The following SENP2 variants were observed in gnomAD, a reference collection of about 807,000 sequenced individuals.
The protein encoded by SENP2 is SUMO specific peptidase 2.
Under a neutral mutation model 86.3 loss-of-function variants are expected in SENP2, and 16 were observed. The observed-to-expected ratio is 0.19, with a 90% CI of 0.13 to 0.28. The LOEUF is 0.28. Ranked by LOEUF, SENP2 falls within the 10% of genes least tolerant of loss-of-function variation. SENP2 has a pLI of 1.00. For missense variants in SENP2, 552 were observed against 703.0 expected (o/e 0.79, Z 2.43); for synonymous variants, 222 against 238.7 (o/e 0.93, Z 0.64).
chr3:185,599,170 TC>T, intron 4 of SENP2, 146 bp downstream of exon 4: 1 of 608,034 alleles, frequency 1.6e-6, no homozygotes, highest in Non-Finnish European at 2.9e-6. Flanking sequence ...AAATAGCTTT[TC>T]TTCAGAATTG....
intron 7 of SENP2, among the ~76,000 whole-genome samples, chr3:185,611,223 G>A (rs754914335): frequency 6.6e-5 from 10 of 152,206 alleles, no homozygotes; most frequent in Admixed American, 1.3e-4. Context: ...TTTCAGTGAG[G>A]CCATGATCAC....
intron 15 of SENP2, among the ~76,000 whole-genome samples, chr3:185,625,639 A>G (rs561014732): frequency 9.2e-5 from 14 of 152,234 alleles, no homozygotes; most frequent in African/African-American, 2.9e-4. Context: ...GCTTGTACCA[A>G]GTGTTTTTGC....
At chr3:185,611,598 A>T in intron 7 of SENP2, 53 bp from the exon 8 acceptor site, 1 of 1,134,914 alleles carries the variant, frequency 8.8e-7, no homozygotes, top group Non-Finnish European at 1.3e-6. Flanking sequence ...AATGCATATT[A>T]ATGGTAGACT....
At chr3:185,616,821 T>C (rs1293312816) in intron 11 of SENP2, among the ~76,000 whole-genome samples, 1 of 151,354 alleles carries the variant, frequency 6.6e-6, no homozygotes, top group Non-Finnish European at 1.5e-5. Context: ...AGTTTACTAT[T>C]ATGAAGGGAG....
rs753871255 is a variant in SENP2, at chr3:185,586,699, C to T, written c.101+185C>T. 1.3e-5 allele frequency among the ~76,000 whole-genome samples: 2 copies of T among 152,216 alleles called. No individual in the cohort carries two copies. The highest frequency in any genetic ancestry group is 2.9e-5 in the Non-Finnish European group (2 of 68,024). ...TGATGAAGGAGGAGCTGGTCGTCTT[C>T]GTAGCGGCCGGTGATGGCAGGGTCT... On this transcript the variant is annotated intron_variant, in intron 1 of 16. Transcript: ENST00000296257. This position sits in a 1 kb window ranked among gnomAD's most constrained non-coding sequence, Gnocchi z 4.3.
intron 10 of SENP2, 28 bp from the exon 11 acceptor site, chr3:185,614,533 GTCA>G (rs751052378): frequency 1.1e-5 from 18 of 1,570,400 alleles, no homozygotes; most frequent in Non-Finnish European, 1.6e-5. Context: ...TATCAAACAT[GTCA>G]GTAGAATTTA....
chr3:185,602,623 A>G (rs1017355223), intron 5 of SENP2, among the ~76,000 whole-genome samples: 2 of 151,958 alleles, frequency 1.3e-5, no homozygotes, highest in Non-Finnish European at 2.9e-5. Flanking sequence ...AAAACTAGTA[A>G]ATACAAGTTT....
rs1711537452 is a variant in SENP2 at position 185,614,669 on chromosome 3, G to A, written c.1039G>A (p.Glu347Lys). The A allele has an allele frequency of 3.1e-6, 5 of 1,614,226 alleles. 1 individual carries two copies. The Middle Eastern group carries it at 6.6e-4, about 213-fold the overall frequency. ...ACTCAGGAGGAAAGTGTCAATAATT[G>A]AGACAAAGGAAAAGAATTGCTCAGG... The part of the protein sequence containing the change: ...GLLRRKVSII[E>K]TKEKNCSGKE... The change falls in exon 11 of 17, where the codon GAG (glutamate) becomes AAG (lysine). Residue 347 changes from glutamate to lysine, a missense_variant. Physicochemically the swap from Glu to Lys is moderately conservative, Grantham distance 56 (BLOSUM62 1). Coordinates refer to ENST00000296257, the MANE Select transcript of SENP2 (RefSeq NM_021627.3).
intron 11 of SENP2, 58 bp downstream of exon 11, chr3:185,614,798 T>G: frequency 6.5e-7 from 1 of 1,538,906 alleles, no homozygotes; most frequent in Non-Finnish European, 8.9e-7. Flanking sequence ...CCTCAGTTAT[T>G]CTAACTTGAA....
chr3:185,586,491 C>T lies in SENP2; in HGVS notation c.78C>T (p.Leu26=), dbSNP rs767472935. The change falls in exon 1 of 17, where the codon CTC becomes CTT. Residue 26 remains leucine (L), a synonymous_variant. Coordinates refer to ENST00000296257, the MANE Select transcript of SENP2 (RefSeq NM_021627.3). This position sits in a 1 kb window ranked among gnomAD's most constrained non-coding sequence, Gnocchi z 4.3. ...GGTCGGTGCCCCCTGCCCGGGCCCT[C>T]CTGAAGAGGCGGCGCTCAGACAGGT... ...CDRSVPPARA[L]LKRRRSDSTL... is the part of the protein sequence containing the mutation. The T allele has an allele frequency of 5.0e-6, 8 of 1,613,514 alleles. No homozygotes were observed. The East Asian group carries it at 1.3e-4, about 27-fold the overall frequency.
Position 185,615,150 on chromosome 3 carries a change from T to TA in SENP2, c.1110+411dup, listed in dbSNP as rs561696998. 1.6e-4 allele frequency among the ~76,000 whole-genome samples: 25 copies of TA among 152,228 alleles called. No homozygotes were observed. In the East Asian group the frequency reaches 2.3e-3, roughly 14 times the overall value. ...ATTGCATTTGAAAATAGTAAAAACT[T>TA]ACAGAACATAAAGAATGAAGGTAGT... On this transcript the variant is annotated intron_variant, in intron 11 of 16. Coordinates refer to ENST00000296257, the MANE Select transcript of SENP2 (RefSeq NM_021627.3).
In SENP2 at chr3:185,611,744, A is replaced by G. The variant is rs960843455; in HGVS notation, c.816A>G (p.Gln272=). 1 of 1,607,932 alleles carries G rather than the reference A, an allele frequency of 6.2e-7. No homozygotes were observed. Among genetic ancestry groups the G allele is most frequent in the East Asian group, 2.2e-5 (1 of 44,842 alleles). ...AAACAACTCAGTTTGTTCCAAAACA[A>G]TGTGAGTTCCCAGATTTAGCCTTGT... ...GVKTTQFVPK[Q]YRLVETRGPL... is the part of the protein sequence containing the mutation. Residue 272 remains glutamine, a splice_region_variant and synonymous_variant, in exon 8 of 17, where the codon CAA becomes CAG. Coordinates refer to ENST00000296257, the MANE Select transcript of SENP2 (RefSeq NM_021627.3).
chr3:185,617,023 G>A (rs964189377), intron 11 of SENP2, among the ~76,000 whole-genome samples: 18 of 152,226 alleles, frequency 1.2e-4, no homozygotes, highest in African/African-American at 4.1e-4. Flanking sequence ...GACTCATAGT[G>A]GTTAATACGT....
chr3:185,632,964 G>A lies in SENP2; in HGVS notation c.*3120G>A, dbSNP rs1712559105. On this transcript the variant is annotated 3_prime_UTR_variant, in exon 17 of 17. Coordinates refer to ENST00000296257, the MANE Select transcript of SENP2 (RefSeq NM_021627.3). Reference sequence around the variant, plus strand: ...GAGAACACGTATCTTTCTCAAACTTGACCTTGAACAGAGCTGGATGGGGGT... The same window carrying A: ...GAGAACACGTATCTTTCTCAAACTTAACCTTGAACAGAGCTGGATGGGGGT... 6.6e-6 allele frequency: 1 copy of A among 152,188 alleles called. No individual in the cohort carries two copies. The highest frequency in any genetic ancestry group is 1.5e-5 in the Non-Finnish European group (1 of 68,032). 9.4% of individuals were successfully genotyped at this position (152,188 alleles called of 1,614,324 possible).
chr3:185,616,538 G>A (rs1262382551), intron 11 of SENP2, among the ~76,000 whole-genome samples: 1 of 150,714 alleles, frequency 6.6e-6, no homozygotes, highest in Non-Finnish European at 1.5e-5. Flanking sequence ...CACTTTGGGA[G>A]GCCGAGATGG....
rs1712505440 is a variant in SENP2, at chr3:185,632,196, C to T, written c.*2352C>T. On this transcript the variant is annotated 3_prime_UTR_variant, in exon 17 of 17. Transcript: ENST00000296257. ...ATTGATTTTATTAGTAGCAAATTAT[C>T]ACCATTAAAGCCAGTGGTTTTTTTT... is the stretch of plus-strand genomic sequence containing the variant. The T allele has an allele frequency of 6.8e-6, 1 of 148,118 alleles. No homozygotes were observed. The highest frequency in any genetic ancestry group is 1.5e-5 in the Non-Finnish European group (1 of 67,320). The allele number at this position is 148,118 out of a possible 1,614,324, so 9.2% of individuals were successfully genotyped here.
intron 5 of SENP2, among the ~76,000 whole-genome samples, chr3:185,601,616 A>T (rs1478213331): frequency 3.5e-5 from 5 of 142,156 alleles, no homozygotes; most frequent in African/African-American, 5.2e-5. Context: ...TTTCCCATAC[A>T]TTCTCTCCTT....
intron 13 of SENP2, among the ~76,000 whole-genome samples, chr3:185,621,422 C>T (rs1403339748): frequency 1.7e-5 from 2 of 116,256 alleles, no homozygotes; most frequent in Non-Finnish European, 3.3e-5. Flanking sequence ...GACAGAGTCT[C>T]GCTATCACCC....
intron 7 of SENP2, among the ~76,000 whole-genome samples, chr3:185,609,781 T>C (rs980601855): frequency 1.3e-5 from 2 of 151,890 alleles, no homozygotes; most frequent in African/African-American, 4.8e-5. Context: ...TCTTTCTTTT[T>C]GTCTTTTTTC....
Sources: gnomAD v4.1 joint callset for allele counts (sites outside exome capture counted in the v4.1 genomes callset) on GRCh38, gnomAD v4.1.1 for gene constraint, Gnocchi (gnomAD v3.1) non-coding constraint, MANE v1.5 for transcripts, NCBI Gene and HGNC (gene_info 2026-07-23, HGNC 2026-07-21) for gene names.